The following DENND1A variants were observed in gnomAD, a reference collection of about 807,000 sequenced individuals.
The protein encoded by DENND1A is DENN domain containing 1A, also known as DENN domain-containing protein 1A.
A neutral mutation model predicts 113.7 loss-of-function variants in DENND1A; 51 were observed. The ratio of observed to expected loss-of-function variants is 0.45; its 90% CI spans 0.36 to 0.57. DENND1A has a LOEUF of 0.57. Among genes scored for constraint, DENND1A ranks in the 20% least tolerant of loss-of-function variants. The pLI is 0.00. For missense variants in DENND1A, 1,258 were observed against 1,395.9 expected (o/e 0.90, Z 1.57); for synonymous variants, 565 against 570.8 (o/e 0.99, Z 0.14).
intron 19 of DENND1A, among the ~76,000 whole-genome samples, chr9:123,415,833 G>A (rs995888959): frequency 1.3e-5 from 2 of 152,316 alleles, no homozygotes; most frequent in Admixed American, 1.3e-4. Flanking sequence ...TCCTAGACAG[G>A]GCGTGGTGGG....
chr9:123,916,188 G>A (rs1193991110), intron 1 of DENND1A, among the ~76,000 whole-genome samples: 2 of 152,012 alleles, frequency 1.3e-5, no homozygotes, highest in Non-Finnish European at 2.9e-5. Flanking sequence ...ATCCAATAGA[G>A]TACTATTGCT....
chr9:123,841,291 T>C (rs1841793084), intron 2 of DENND1A, among the ~76,000 whole-genome samples: 1 of 152,198 alleles, frequency 6.6e-6, no homozygotes, highest in African/African-American at 2.4e-5. Context: ...GAATTTAGAA[T>C]TTCTCTTCAC....
intron 5 of DENND1A, among the ~76,000 whole-genome samples, chr9:123,716,903 C>T (rs2067011970): frequency 6.6e-6 from 1 of 152,088 alleles, no homozygotes; most frequent in South Asian, 2.1e-4. Context: ...TTTAGCAGGG[C>T]CCACCTTACT....
Position 123,644,219 on chromosome 9 carries a change from G to T in DENND1A, c.618+7794C>A, listed in dbSNP as rs115210857. Among the ~76,000 whole-genome samples the T allele has an allele frequency of 1.4e-3, 211 of 152,174 alleles. 1 individual carries two copies. The highest frequency in any genetic ancestry group is 4.8e-3 in the African/African-American group (201 of 41,520). ...GATTAGCATAGTGCCTGTCATATAG[G>T]AAATGGATGGCTCAAAAGGTTAACT... On this transcript the variant is annotated intron_variant, in intron 9 of 23. Transcript: ENST00000394215.
chr9:123,796,756 T>TACACACACACACACACAC lies in DENND1A; in HGVS notation c.89-4144_89-4127dup, dbSNP rs370185315. Reference sequence around the variant, plus strand: ...TACATTGGTAACTCCTATGTGTACATACACACACACACACACACACACACA... The same window carrying TACACACACACACACACAC: ...TACATTGGTAACTCCTATGTGTACATACACACACACACACACACACACACACACACACACACACACACA... On this transcript the variant is annotated intron_variant, in intron 2 of 23. Transcript: ENST00000394215. Among the ~76,000 whole-genome samples, 435 of 141,582 alleles carry TACACACACACACACACAC rather than the reference T, an allele frequency of 3.1e-3. 2 individuals are homozygous for TACACACACACACACACAC. The highest frequency in any genetic ancestry group is 1.0e-2 in the African/African-American group (385 of 38,640). The allele number at this position is 141,582 out of a possible 152,430, so 92.9% of individuals were successfully genotyped here. A position where few individuals can be genotyped will look rare whatever the true frequency, so the allele number is the denominator to read the frequency against.
chr9:123,664,550 A>G (rs933007407), intron 8 of DENND1A, among the ~76,000 whole-genome samples: 1 of 151,214 alleles, frequency 6.6e-6, no homozygotes, highest in Non-Finnish European at 1.5e-5. Flanking sequence ...TGTTTTCTAA[A>G]TTTTTTATTT....
At chr9:123,918,405 G>A (rs1855609464) in intron 1 of DENND1A, among the ~76,000 whole-genome samples, 1 of 151,448 alleles carries the variant, frequency 6.6e-6, no homozygotes, top group Non-Finnish European at 1.5e-5. Context: ...GGAGAATGGC[G>A]TGAACCCGGG....
intron 13 of DENND1A, among the ~76,000 whole-genome samples, chr9:123,551,180 G>A (rs995250682): frequency 5.3e-5 from 8 of 152,142 alleles, no homozygotes; most frequent in Non-Finnish European, 1.0e-4. Flanking sequence ...CCAGGTGACC[G>A]AAAAATGGGC....
At chr9:123,575,645 T>TAC (rs943054421) in intron 12 of DENND1A, among the ~76,000 whole-genome samples, 1 of 152,206 alleles carries the variant, frequency 6.6e-6, no homozygotes, top group Non-Finnish European at 1.5e-5. Flanking sequence ...TTTTTCTCTT[T>TAC]ACACACACAG....
chr9:123,658,150 T>A (rs1362517821), intron 8 of DENND1A, among the ~76,000 whole-genome samples: 1 of 152,220 alleles, frequency 6.6e-6, no homozygotes, highest in South Asian at 2.1e-4. Flanking sequence ...CAATGTTATA[T>A]GTAACTGTCC....
rs12341597 is a variant in DENND1A, at chr9:123,679,938, C to T, written c.303-3149G>A. 6.3e-3 allele frequency among the ~76,000 whole-genome samples: 965 copies of T among 152,186 alleles called. 14 individuals are homozygous for T. Among genetic ancestry groups the T allele is most frequent in the African/African-American group, 0.022 (900 of 41,492 alleles). The stretch of plus-strand genomic sequence containing the variant: ...TGTGTGACGGCTTGAGTCCCCACTG[C>T]GGAGTACCACAGTTGGGACTATGGT... On this transcript the variant is annotated intron_variant, in intron 5 of 23. Coordinates refer to ENST00000394215, the MANE Select transcript of DENND1A (RefSeq NM_001352964.2).
intron 2 of DENND1A, among the ~76,000 whole-genome samples, chr9:123,877,111 G>A (rs1054894064): frequency 1.3e-5 from 2 of 152,092 alleles, no homozygotes; most frequent in African/African-American, 4.8e-5. Context: ...CAGGTGATGG[G>A]TACACTAAAA....
At chr9:123,394,143 T>TACC (rs1198722358) in intron 21 of DENND1A, among the ~76,000 whole-genome samples, 3 of 152,258 alleles carry the variant, frequency 2.0e-5, no homozygotes, top group East Asian at 3.9e-4. Flanking sequence ...AGGCATGTGC[T>TACC]ACCATGCCTG....
chr9:123,592,936 G>A (rs2059526097), intron 11 of DENND1A, among the ~76,000 whole-genome samples: 2 of 152,286 alleles, frequency 1.3e-5, no homozygotes, highest in South Asian at 4.1e-4. Flanking sequence ...GTAATACCTA[G>A]GATAGTGTCT....
chr9:123,589,625 T>C (rs1266987483), intron 11 of DENND1A, among the ~76,000 whole-genome samples: 2 of 104,342 alleles, frequency 1.9e-5, no homozygotes, highest in Non-Finnish European at 3.5e-5. Flanking sequence ...CCCACCAGAC[T>C]CTATAGGCTT....
chr9:123,610,152 G>A (rs2060347901), intron 10 of DENND1A, among the ~76,000 whole-genome samples: 1 of 152,180 alleles, frequency 6.6e-6, no homozygotes, highest in African/African-American at 2.4e-5. Context: ...AAAGGCATGA[G>A]AACTAAACTC....
chr9:123,655,244 G>A (rs2062875715), intron 8 of DENND1A, among the ~76,000 whole-genome samples: 2 of 152,224 alleles, frequency 1.3e-5, no homozygotes, highest in Non-Finnish European at 1.5e-5. Context: ...TTTGCCACGA[G>A]ACGGGGTCCT....
At chr9:123,465,627 G>T (rs2048884626) in intron 13 of DENND1A, among the ~76,000 whole-genome samples, 2 of 152,158 alleles carry the variant, frequency 1.3e-5, no homozygotes, top group Non-Finnish European at 1.5e-5. Flanking sequence ...GGTGGAGATT[G>T]GGTCTTACCA....
chr9:123,587,280 A>C (rs755792408), intron 11 of DENND1A, among the ~76,000 whole-genome samples: 3 of 152,366 alleles, frequency 2.0e-5, no homozygotes, highest in Admixed American at 6.5e-5. Flanking sequence ...TATAGAGTAC[A>C]CAGAGATAAG....
Sources: allele counts gnomAD v4.1 joint callset (sites outside exome capture counted in the v4.1 genomes callset), GRCh38; gene constraint gnomAD v4.1.1; transcripts MANE v1.5; gene names NCBI Gene and HGNC (gene_info 2026-07-23, HGNC 2026-07-21).